The following ATF7 variants were observed in gnomAD, a reference collection of about 807,000 sequenced individuals.
ATF7 encodes the protein cyclic AMP-dependent transcription factor ATF-7.
In ATF7, 10 loss-of-function variants were observed where a neutral mutation model predicts 50.4. That is an observed-to-expected ratio of 0.20 (90% confidence interval 0.12 to 0.34). The LOEUF is 0.34. Ranked by LOEUF, ATF7 falls within the 10% of genes least tolerant of loss-of-function variation. The probability of loss-of-function intolerance (pLI) is 1.00; values close to 1 mark genes in which losing one functional copy is unlikely to be tolerated. For synonymous variants in ATF7, 201 were observed against 226.4 expected, an observed-to-expected ratio of 0.89 and a Z score of 1.01; for missense variants, 465 against 613.9, an observed-to-expected ratio of 0.76 and a Z score of 2.56.
intron 1 of ATF7, among the ~76,000 whole-genome samples, chr12:53,610,882 C>T (rs1478576511): frequency 6.6e-6 from 1 of 152,082 alleles, no homozygotes; most frequent in Non-Finnish European, 1.5e-5. Context: ...GGCTGGAGTA[C>T]AGTGGCATGA....
chr12:53,570,652 T>G (rs777411884), intron 2 of ATF7, among the ~76,000 whole-genome samples: 3 of 152,118 alleles, frequency 2.0e-5, no homozygotes, highest in Non-Finnish European at 4.4e-5. Flanking sequence ...ATGTCTCTCC[T>G]AGCTTCTGGC....
intron 2 of ATF7, among the ~76,000 whole-genome samples, chr12:53,577,426 AAC>A (rs112848273): frequency 0.07 from 10,632 of 152,152 alleles, 555 homozygotes; most frequent in East Asian, 0.22. Flanking sequence ...GAAAGAAAGA[AAC>A]ACACACGGCC....
At chr12:53,566,487 G>C (rs1941450357) in intron 2 of ATF7, among the ~76,000 whole-genome samples, 1 of 152,138 alleles carries the variant, frequency 6.6e-6, no homozygotes, top group African/African-American at 2.4e-5. Flanking sequence ...ACCGTGGTGG[G>C]GGTGGAGGAT....
At chr12:53,599,611 C>T (rs537646292) in intron 2 of ATF7, among the ~76,000 whole-genome samples, 1 of 152,174 alleles carries the variant, frequency 6.6e-6, no homozygotes, top group South Asian at 2.1e-4. Flanking sequence ...AAAATTTTAG[C>T]ATTTACTGGA....
intron 1 of ATF7, among the ~76,000 whole-genome samples, chr12:53,605,625 AG>A (rs1943570741): frequency 6.6e-6 from 1 of 152,218 alleles, no homozygotes; most frequent in Non-Finnish European, 1.5e-5. Context: ...GGAAGAAACA[AG>A]TAATAAGCAA....
In ATF7 at chr12:53,617,356, A is replaced by T. The variant is rs1392143177; in HGVS notation, c.-22+8923T>A. On this transcript the variant is annotated intron_variant, in intron 1 of 11. Transcript: ENST00000420353. ...AAAACTACTATACTAGGCCAGGCAC[A>T]GTGGCTCACACCTGTAATCCCAGCA... Among the ~76,000 whole-genome samples the T allele has an allele frequency of 2.0e-5, 3 of 152,314 alleles. No individual in the cohort carries two copies. In the East Asian group the frequency reaches 5.8e-4, roughly 29 times the overall value.
rs368781377 is a variant in ATF7 at position 53,514,847 on chromosome 12, G to C, written c.*2290C>G. The C allele has an allele frequency of 3.3e-5, 5 of 152,150 alleles. No homozygotes were observed. The highest frequency in any genetic ancestry group is 5.9e-5 in the Non-Finnish European group (4 of 68,026). 9.4% of individuals were successfully genotyped at this position (152,150 alleles called of 1,614,324 possible). On this transcript the variant is annotated 3_prime_UTR_variant, in exon 12 of 12. Coordinates refer to ENST00000420353, the MANE Select transcript of ATF7 (RefSeq NM_006856.3). ...GAAGGGGGAAGAAAAATAGTCAAGA[G>C]TCTTAGGAAAGCTCCTTAGGAGCCA...
chr12:53,535,208 C>A (rs970722095), intron 5 of ATF7, among the ~76,000 whole-genome samples: 3 of 151,938 alleles, frequency 2.0e-5, no homozygotes, highest in African/African-American at 7.3e-5. Context: ...TTGACAGCAT[C>A]CCCAGACAGT....
At chr12:53,618,208 A>G (rs909964148) in intron 1 of ATF7, among the ~76,000 whole-genome samples, 13 of 152,020 alleles carry the variant, frequency 8.6e-5, no homozygotes, top group African/African-American at 3.1e-4. Flanking sequence ...TTTACAGTCT[A>G]TTTTTCTTCC....
At chr12:53,549,805 C>G (rs1435734339) in intron 3 of ATF7, among the ~76,000 whole-genome samples, 2 of 151,992 alleles carry the variant, frequency 1.3e-5, no homozygotes, top group East Asian at 1.9e-4. Flanking sequence ...AGGCTTGTCT[C>G]GAACTCCTGA....
intron 3 of ATF7, among the ~76,000 whole-genome samples, chr12:53,546,757 CT>C (rs979025251): frequency 1.0e-4 from 15 of 144,312 alleles, no homozygotes; most frequent in Admixed American, 3.5e-4. Flanking sequence ...GCCTCTTTTT[CT>C]TTTTTTTTTC....
intron 1 of ATF7, among the ~76,000 whole-genome samples, chr12:53,608,853 T>C (rs1210277169): frequency 6.6e-6 from 1 of 152,204 alleles, no homozygotes; most frequent in East Asian, 1.9e-4. Context: ...CTCCCTAGGA[T>C]ACTCAGTGCT....
rs1160662562 is a variant in ATF7 at position 53,514,773 on chromosome 12, G to GGCAT, written c.*2360_*2363dup. 6 of 152,112 alleles carry GGCAT rather than the reference G, an allele frequency of 3.9e-5. No homozygotes were observed. Among genetic ancestry groups the GGCAT allele is most frequent in the Non-Finnish European group, 8.8e-5 (6 of 68,034 alleles). The allele number at this position is 152,112 out of a possible 1,614,324, so 9.4% of individuals were successfully genotyped here. A position where few individuals can be genotyped will look rare whatever the true frequency, so the allele number is the denominator to read the frequency against. On this transcript the variant is annotated 3_prime_UTR_variant, in exon 12 of 12. Transcript: ENST00000420353. ...ACCCAACACAGGGACAGACTGGCAG[G>GGCAT]GCATGTATGCAGTTACAAATTAATT... is the stretch of plus-strand genomic sequence containing the variant.
chr12:53,525,452 A>T (rs1162945114), intron 9 of ATF7, among the ~76,000 whole-genome samples: 1 of 152,242 alleles, frequency 6.6e-6, no homozygotes, highest in Non-Finnish European at 1.5e-5. Flanking sequence ...GAAATAAAAA[A>T]GTTTGAGAAT....
At chr12:53,548,184 A>G (rs917827398) in intron 3 of ATF7, among the ~76,000 whole-genome samples, 3 of 151,110 alleles carry the variant, frequency 2.0e-5, no homozygotes, top group African/African-American at 7.3e-5. Context: ...AATTTTTAAA[A>G]TTTTTTGTTA....
intron 11 of ATF7, chr12:53,523,059 G>T: frequency 2.2e-6 from 1 of 459,900 alleles, no homozygotes; most frequent in South Asian, 3.1e-5. Context: ...GGTAAATATT[G>T]CTACCCTTCA....
At chr12:53,599,809 T>A (rs1592962374) in intron 2 of ATF7, among the ~76,000 whole-genome samples, 1 of 152,168 alleles carries the variant, frequency 6.6e-6, no homozygotes, top group Non-Finnish European at 1.5e-5. Flanking sequence ...TATTCCTAAG[T>A]GAACAGAAAC....
chr12:53,610,007 G>T (rs1943792666), intron 1 of ATF7, among the ~76,000 whole-genome samples: 1 of 151,578 alleles, frequency 6.6e-6, no homozygotes, highest in South Asian at 2.1e-4. Context: ...AGTAGAGACG[G>T]GGTTTCACCA....
intron 2 of ATF7, among the ~76,000 whole-genome samples, chr12:53,585,916 G>C (rs1942658936): frequency 6.6e-6 from 1 of 152,090 alleles, no homozygotes. Context: ...GCCTCCCTTA[G>C]GACTATGGGA....
Sources: gnomAD v4.1 joint callset for allele counts (sites outside exome capture counted in the v4.1 genomes callset) on GRCh38, gnomAD v4.1.1 for gene constraint, MANE v1.5 for transcripts, NCBI Gene and HGNC (gene_info 2026-07-23, HGNC 2026-07-21) for gene names.